Variants in TCF7L1 observed in about 807,000 individuals in gnomAD.
TCF7L1 encodes transcription factor 7 like 1.
In TCF7L1, 18 loss-of-function variants were observed where a neutral mutation model predicts 63.7. The observed-to-expected ratio is 0.28, with a 90% CI of 0.20 to 0.42. The LOEUF (loss-of-function observed/expected upper bound fraction) is 0.42. Ranked by LOEUF, TCF7L1 falls within the 10% of genes least tolerant of loss-of-function variation. TCF7L1 has a pLI of 1.00. For missense variants in TCF7L1, 654 were observed against 779.3 expected (o/e 0.84, Z 1.91); for synonymous variants, 355 against 340.9 (o/e 1.04, Z -0.46).
In TCF7L1 at chr2:85,301,172, A is replaced by G. The variant is rs144712755; in HGVS notation, c.526-1312A>G. Among the ~76,000 whole-genome samples, 35 of 152,358 alleles carry G rather than the reference A, an allele frequency of 2.3e-4. No individual in the cohort carries two copies. The East Asian group carries it at 4.2e-3, about 18-fold the overall frequency. ...AATTTCTGTCCTTTCTCTGTGACAG[A>G]TAAGTTTTACGTTTTGAGAAGGTTC... On this transcript the variant is annotated intron_variant, in intron 4 of 11. Transcript: ENST00000282111.
chr2:85,230,165 T>G (rs1051223124), intron 3 of TCF7L1, among the ~76,000 whole-genome samples: 1 of 152,240 alleles, frequency 6.6e-6, no homozygotes, highest in African/African-American at 2.4e-5. Flanking sequence ...CTAAGCACTT[T>G]CTTCAGTTGA....
chr2:85,262,387 T>C, intron 3 of TCF7L1: 1 of 372,606 alleles, frequency 2.7e-6, no homozygotes, highest in Non-Finnish European at 5.4e-6. Context: ...CACCGTCTCT[T>C]AAAAGAAAAA....
At chr2:85,299,932 A>T (rs1681932341) in intron 4 of TCF7L1, among the ~76,000 whole-genome samples, 1 of 128,552 alleles carries the variant, frequency 7.8e-6, no homozygotes, top group Admixed American at 8.2e-5. Flanking sequence ...TAATGAAAGG[A>T]GATATGCCAA....
chr2:85,182,981 G>A (rs10167557), intron 3 of TCF7L1, among the ~76,000 whole-genome samples: 16,938 of 152,194 alleles, frequency 0.11, 1,066 homozygotes, highest in Admixed American at 0.18. Context: ...GAGAATCCCC[G>A]CTCTAGGGCT....
chr2:85,152,372 C>T (rs945939520), intron 3 of TCF7L1, among the ~76,000 whole-genome samples: 2 of 151,854 alleles, frequency 1.3e-5, no homozygotes, highest in Non-Finnish European at 2.9e-5. Context: ...ATATAATATG[C>T]CTATTGTAAT....
intron 4 of TCF7L1, among the ~76,000 whole-genome samples, chr2:85,299,081 A>G (rs1681901210): frequency 7.0e-6 from 1 of 143,182 alleles, no homozygotes; most frequent in Non-Finnish European, 1.5e-5. Context: ...CATTAAAAGT[A>G]TGGCCAAAAC....
At position 85,220,361 on chromosome 2, in the gene TCF7L1, A is replaced by AT. The variant is rs1553400512; in HGVS notation, c.442-63134_442-63133insT. Among the ~76,000 whole-genome samples the AT allele has an allele frequency of 8.9e-3, 1,338 of 151,154 alleles. 8 individuals are homozygous for AT. The highest frequency in any genetic ancestry group is 0.014 in the Middle Eastern group (4 of 286). The stretch of plus-strand genomic sequence containing the variant: ...TACTTACTTTCTGTACTTAAAAAAA[A>AT]ATATATATATATGTATATATATTTT... On this transcript the variant is annotated intron_variant, in intron 3 of 11. Transcript: ENST00000282111.
chr2:85,189,608 A>T (rs1335408286), intron 3 of TCF7L1, among the ~76,000 whole-genome samples: 1 of 152,128 alleles, frequency 6.6e-6, no homozygotes, highest in Admixed American at 6.5e-5. Context: ...GCCATTGAAA[A>T]GTGGAGAAGT....
chr2:85,308,920 C>G (rs769542703), intron 11 of TCF7L1, 109 bp from the exon 12 acceptor site: 2 of 1,332,082 alleles, frequency 1.5e-6, no homozygotes, highest in East Asian at 4.7e-5. Context: ...CAGGTCCTCG[C>G]CAAAATCATC....
chr2:85,140,935 G>A (rs1558613808), intron 3 of TCF7L1, among the ~76,000 whole-genome samples: 1 of 152,186 alleles, frequency 6.6e-6, no homozygotes, highest in East Asian at 1.9e-4. Context: ...AGAAAAGAGA[G>A]TGTCCTTGGT....
chr2:85,153,477 G>A (rs1678071271), intron 3 of TCF7L1, among the ~76,000 whole-genome samples: 1 of 151,204 alleles, frequency 6.6e-6, no homozygotes, highest in East Asian at 2.0e-4. Flanking sequence ...AAGTAGCTGG[G>A]ACTATAGGTG....
intron 3 of TCF7L1, among the ~76,000 whole-genome samples, chr2:85,182,507 G>A (rs1678827600): frequency 6.6e-6 from 1 of 152,158 alleles, no homozygotes. Flanking sequence ...GGGTAGAGAG[G>A]TTCCCGGTCA....
At chr2:85,242,494 C>T (rs763507666) in intron 3 of TCF7L1, among the ~76,000 whole-genome samples, 5 of 152,256 alleles carry the variant, frequency 3.3e-5, no homozygotes, top group African/African-American at 7.2e-5. Context: ...AGCATGAATG[C>T]AAACACCACC....
At chr2:85,217,134 A>G (rs912579662) in intron 3 of TCF7L1, 1 of 152,102 alleles carries the variant, frequency 6.6e-6, no homozygotes, top group Admixed American at 6.5e-5. Context: ...CCCTCACCAC[A>G]TTGGCAAACT....
At chr2:85,303,674 TGCA>T in intron 5 of TCF7L1, 1 of 434,104 alleles carries the variant, frequency 2.3e-6, no homozygotes. Context: ...ATAGAATCCG[TGCA>T]GCTAGAGAGG....
intron 3 of TCF7L1, among the ~76,000 whole-genome samples, chr2:85,178,493 A>AGGGTGGCAG (rs1678728641): frequency 6.6e-6 from 1 of 152,150 alleles, no homozygotes; most frequent in African/African-American, 2.4e-5. Context: ...GAGAAGGAGC[A>AGGGTGGCAG]GGGTGGCAGG....
intron 3 of TCF7L1, among the ~76,000 whole-genome samples, chr2:85,224,301 C>G (rs1679909514): frequency 6.6e-6 from 1 of 152,152 alleles, no homozygotes; most frequent in Non-Finnish European, 1.5e-5. Context: ...TGAGTATATA[C>G]CCAGTAATGG....
At chr2:85,286,112 A>T (rs1424740170) in intron 4 of TCF7L1, among the ~76,000 whole-genome samples, 2 of 149,278 alleles carry the variant, frequency 1.3e-5, no homozygotes, top group African/African-American at 2.5e-5. Flanking sequence ...AATCGCCTGA[A>T]CCCGGGAGGC....
At chr2:85,251,547 C>G (rs55971915) in intron 3 of TCF7L1, among the ~76,000 whole-genome samples, 7,764 of 152,284 alleles carry the variant, frequency 0.051, 278 homozygotes, top group Non-Finnish European at 0.077. Flanking sequence ...ACCCAAGTCT[C>G]TGGGCCCCGC....
Sources: allele counts gnomAD v4.1 joint callset (sites outside exome capture counted in the v4.1 genomes callset), GRCh38; gene constraint gnomAD v4.1.1; transcripts MANE v1.5; gene names NCBI Gene and HGNC (gene_info 2026-07-23, HGNC 2026-07-21).